The following PLCL1 variants were observed in gnomAD, a reference collection of about 807,000 sequenced individuals.
PLCL1 encodes the protein phospholipase C like 1 (inactive), also known as inactive phospholipase C-like protein 1.
A neutral mutation model predicts 84.4 loss-of-function variants in PLCL1; 41 were observed. The observed-to-expected ratio is 0.49, with a 90% CI of 0.38 to 0.63. The LOEUF is 0.63. Ranked by LOEUF, PLCL1 falls within the 30% of genes least tolerant of loss-of-function variation. The pLI, the probability that PLCL1 is intolerant of heterozygous loss-of-function variation, is 0.00. For missense variants in PLCL1, 1,206 were observed against 1,367.8 expected (o/e 0.88, Z 1.87); for synonymous variants, 490 against 488.3 (o/e 1.00, Z -0.05).
chr2:197,969,870 G>A (rs997252154), intron 1 of PLCL1, among the ~76,000 whole-genome samples: 2 of 152,194 alleles, frequency 1.3e-5, no homozygotes, highest in African/African-American at 4.8e-5. Context: ...TGACTGCAAT[G>A]TCCAGAGTCT....
chr2:197,827,523 A>C (rs1690957081), intron 1 of PLCL1, among the ~76,000 whole-genome samples: 1 of 152,152 alleles, frequency 6.6e-6, no homozygotes, highest in Non-Finnish European at 1.5e-5. Context: ...TGGAAGAGAG[A>C]GAAGCTCAGA....
intron 5 of PLCL1, among the ~76,000 whole-genome samples, chr2:198,133,783 C>T (rs183603865): frequency 7.9e-5 from 12 of 152,208 alleles, no homozygotes; most frequent in East Asian, 7.7e-4. Flanking sequence ...TCTAACTTCA[C>T]GTAACTGAGT....
intron 1 of PLCL1, among the ~76,000 whole-genome samples, chr2:198,081,678 G>A (rs1038302491): frequency 1.1e-4 from 16 of 152,154 alleles, no homozygotes; most frequent in African/African-American, 3.9e-4. Flanking sequence ...ATTGTCACTT[G>A]AAGATCTGAT....
chr2:198,069,755 G>A (rs977465562), intron 1 of PLCL1, among the ~76,000 whole-genome samples: 2 of 152,126 alleles, frequency 1.3e-5, no homozygotes, highest in African/African-American at 4.8e-5. Context: ...GTAACATTTT[G>A]AGTGTAATAT....
intron 1 of PLCL1, among the ~76,000 whole-genome samples, chr2:197,897,161 T>C (rs147988976): frequency 0.12 from 4,611 of 37,924 alleles, 169 homozygotes; most frequent in Middle Eastern, 0.16. Context: ...TTCTTCTTCT[T>C]CTTCTTCTTC....
At chr2:198,082,441 CA>C (rs369435221) in intron 1 of PLCL1, among the ~76,000 whole-genome samples, 1,674 of 142,074 alleles carry the variant, frequency 0.012, 32 homozygotes, top group African/African-American at 0.038. Flanking sequence ...GAGATTCTGT[CA>C]AAAAAAAAAA....
At chr2:198,113,472 A>G (rs574570175) in intron 5 of PLCL1, among the ~76,000 whole-genome samples, 80 of 152,034 alleles carry the variant, frequency 5.3e-4, no homozygotes, top group African/African-American at 1.5e-3. Flanking sequence ...TAACAAGCAC[A>G]TGATGTGTGT....
chr2:198,109,157 C>A (rs1341158244), intron 5 of PLCL1, among the ~76,000 whole-genome samples: 1 of 151,764 alleles, frequency 6.6e-6, no homozygotes, highest in Non-Finnish European at 1.5e-5. Context: ...GCTGAGAAAT[C>A]CAAGATCAAG....
chr2:198,098,907 A>C (rs7572854), intron 3 of PLCL1, among the ~76,000 whole-genome samples: 90,602 of 151,458 alleles, frequency 0.6, 27,689 homozygotes, highest in East Asian at 0.8. Flanking sequence ...TTACTCTTAA[A>C]GGGTAACTTT....
In PLCL1 at chr2:197,865,630, C is replaced by T. The variant is rs569503586; in HGVS notation, c.240+60291C>T. Among the ~76,000 whole-genome samples the T allele has an allele frequency of 7.4e-4, 113 of 152,106 alleles. 1 individual carries two copies. Among genetic ancestry groups the T allele is most frequent in the African/African-American group, 2.7e-3 (111 of 41,494 alleles). On this transcript the variant is annotated intron_variant, in intron 1 of 5. Coordinates refer to ENST00000428675, the MANE Select transcript of PLCL1 (RefSeq NM_006226.4). ...ACTTTAAAAAAGCACAAATATAAATCGGAAATGCTAATTAGCACGTTAAGT... is the reference window on the plus strand; with the variant it reads ...ACTTTAAAAAAGCACAAATATAAATTGGAAATGCTAATTAGCACGTTAAGT...
At chr2:198,082,043 C>T (rs1477333315) in intron 1 of PLCL1, among the ~76,000 whole-genome samples, 1 of 152,116 alleles carries the variant, frequency 6.6e-6, no homozygotes, top group Non-Finnish European at 1.5e-5. Flanking sequence ...ATATAACACC[C>T]AATATCCTGG....
At chr2:198,124,189 C>G (rs1056731015) in intron 5 of PLCL1, among the ~76,000 whole-genome samples, 1 of 152,094 alleles carries the variant, frequency 6.6e-6, no homozygotes, top group African/African-American at 2.4e-5. Context: ...ATGACTTGTT[C>G]TTTATGTGGG....
rs538437720 is a variant in PLCL1, at chr2:197,966,584, A to T, written c.241-117174A>T. ...TGCTCTCCCTTCCCCAGGCACATAG[A>T]TTCTCTCTTTGAACAATGCAGCTGC... On this transcript the variant is annotated intron_variant, in intron 1 of 5. Transcript: ENST00000428675. 2.6e-5 allele frequency among the ~76,000 whole-genome samples: 4 copies of T among 152,126 alleles called. No individual in the cohort carries two copies. In the East Asian group the frequency reaches 7.8e-4, roughly 30 times the overall value.
chr2:198,122,985 A>C (rs1228014968), intron 5 of PLCL1, among the ~76,000 whole-genome samples: 1 of 152,108 alleles, frequency 6.6e-6, no homozygotes, highest in Non-Finnish European at 1.5e-5. Context: ...GCCATGATTG[A>C]AACCCAGGCA....
chr2:197,862,143 G>A (rs1018381193), intron 1 of PLCL1, among the ~76,000 whole-genome samples: 21 of 152,042 alleles, frequency 1.4e-4, no homozygotes, highest in African/African-American at 5.1e-4. Context: ...AATTTAGATA[G>A]CATCTATAAC....
intron 1 of PLCL1, among the ~76,000 whole-genome samples, chr2:197,826,868 C>T (rs1484773608): frequency 6.6e-6 from 1 of 152,118 alleles, no homozygotes; most frequent in Non-Finnish European, 1.5e-5. Flanking sequence ...TTTCCAAGTT[C>T]CTAGATTTTT....
chr2:198,122,634 A>T (rs1043420942), intron 5 of PLCL1, among the ~76,000 whole-genome samples: 1 of 152,174 alleles, frequency 6.6e-6, no homozygotes, highest in Non-Finnish European at 1.5e-5. Context: ...CTAGAGAATT[A>T]TTGTAAAACA....
intron 1 of PLCL1, among the ~76,000 whole-genome samples, chr2:197,889,970 G>A (rs540857805): frequency 1.3e-5 from 2 of 152,306 alleles, no homozygotes; most frequent in Non-Finnish European, 2.9e-5. Context: ...AGCAGAAGCA[G>A]TGCCCCAATT....
rs376737048 is a variant in PLCL1 at position 198,101,386 on chromosome 2, G to GTT, written c.2995+35_2995+36dup. ...GTAATTGTTTTTAATTTTTTTTTCTGTTTTTTTTTTCTATTTTGTTTGGAA... is the reference window on the plus strand; with the variant it reads ...GTAATTGTTTTTAATTTTTTTTTCTGTTTTTTTTTTTTCTATTTTGTTTGGAA... On this transcript the variant is annotated intron_variant, in intron 4 of 5. Transcript: ENST00000428675. 8.0e-4 allele frequency: 884 copies of GTT among 1,103,826 alleles called. 4 individuals are homozygous for GTT. The African/African-American group carries it at 9.4e-3, about 12-fold the overall frequency. 68.4% of individuals were successfully genotyped at this position (1,103,826 alleles called of 1,614,324 possible).
Sources: allele counts gnomAD v4.1 joint callset (sites outside exome capture counted in the v4.1 genomes callset), GRCh38; gene constraint gnomAD v4.1.1; transcripts MANE v1.5; gene names NCBI Gene and HGNC (gene_info 2026-07-23, HGNC 2026-07-21).